MTFR1: variants seen among roughly 807,000 people sequenced by gnomAD.
MTFR1 encodes chondrocyte protein with a poly-proline region.
A neutral mutation model predicts 38.8 loss-of-function variants in MTFR1; 28 were observed. The observed-to-expected ratio is 0.72, with a 90% CI of 0.53 to 0.99. The LOEUF is 0.99. Ranked by LOEUF, MTFR1 falls within the 50% of genes least tolerant of loss-of-function variation. MTFR1 has a pLI of 0.00. For missense variants in MTFR1, 358 were observed against 395.5 expected (o/e 0.91, Z 0.81); for synonymous variants, 145 against 137.0 (o/e 1.06, Z -0.41).
At chr8:65,660,264 C>T (rs1461819513) in intron 1 of MTFR1, among the ~76,000 whole-genome samples, 2 of 138,490 alleles carry the variant, frequency 1.4e-5, no homozygotes, top group African/African-American at 5.4e-5. Flanking sequence ...GTACTCCAGC[C>T]TGGGCAACAG....
At chr8:65,778,174 C>T in the MTFR1 span, among the ~76,000 whole-genome samples, 2 of 152,190 alleles carry the variant, frequency 1.3e-5, no homozygotes, top group Admixed American at 6.5e-5. Flanking sequence ...AGCTCATCAA[C>T]AGAATATGGA....
downstream of MTFR1, among the ~76,000 whole-genome samples, chr8:65,775,035 A>C (rs1809218799): frequency 6.6e-6 from 1 of 152,200 alleles, no homozygotes; most frequent in African/African-American, 2.4e-5. Context: ...ATAAACTGTA[A>C]TTTTTAAGAA....
chr8:65,649,962 C>T (rs1563430238), intron 1 of MTFR1, among the ~76,000 whole-genome samples: 2 of 152,118 alleles, frequency 1.3e-5, no homozygotes, highest in Admixed American at 6.6e-5. Context: ...CCTCAGCCTC[C>T]CAAGTAGCTG....
chr8:65,752,502 A>G (rs539263311), intron 3 of MTFR1, among the ~76,000 whole-genome samples: 4 of 152,238 alleles, frequency 2.6e-5, no homozygotes, highest in Admixed American at 2.0e-4. Context: ...TGGCATTGAA[A>G]CTTGCAAAAT....
downstream of MTFR1, among the ~76,000 whole-genome samples, chr8:65,713,858 A>ATT (rs201732109): frequency 3.3e-5 from 5 of 150,078 alleles, no homozygotes; most frequent in Admixed American, 6.6e-5. Context: ...TAATTTTTGT[A>ATT]TTTTTTTTTA....
chr8:65,686,291 GC>G, intron 3 of MTFR1, among the ~76,000 whole-genome samples: 1 of 152,284 alleles, frequency 6.6e-6, no homozygotes, highest in Middle Eastern at 3.4e-3. Context: ...ACACTGTGGA[GC>G]CCAGCACAGT....
rs947683893 is a variant in MTFR1 at position 65,709,712 on chromosome 8, T to G, written c.*668T>G. 1 of 152,674 alleles carries G rather than the reference T, an allele frequency of 6.5e-6. No individual in the cohort carries two copies. Among genetic ancestry groups the G allele is most frequent in the African/African-American group, 2.4e-5 (1 of 41,454 alleles). 9.5% of individuals were successfully genotyped at this position (152,674 alleles called of 1,614,324 possible). ...AAGTTGAGAACCAGGAAAGCTGCTT[T>G]CACGTCATTGCCATCCAGTACTGAC... On this transcript the variant is annotated 3_prime_UTR_variant, in exon 8 of 8. Coordinates refer to ENST00000262146, the MANE Select transcript of MTFR1 (RefSeq NM_014637.4).
chr8:65,776,517 T>G, the MTFR1 span, among the ~76,000 whole-genome samples: 1 of 152,184 alleles, frequency 6.6e-6, no homozygotes, highest in African/African-American at 2.4e-5. Flanking sequence ...CTTTAAATAC[T>G]GAATCCTCCA....
intron 3 of MTFR1, chr8:65,725,450 G>GGT (rs1346970613): frequency 6.5e-6 from 1 of 154,250 alleles, no homozygotes; most frequent in Non-Finnish European, 1.5e-5. Flanking sequence ...GTGTTTTCAA[G>GGT]GTTAAACTCA....
chr8:65,707,837 TC>T lies in MTFR1; in HGVS notation c.765-5del. The stretch of plus-strand genomic sequence containing the variant: ...TGTCCCCTTGGTTTGTGTTCACTTC[TC>T]TAAGGTCAGAGCAAGATGTGAAGCC... On this transcript the variant is annotated splice_region_variant and splice_polypyrimidine_tract_variant and intron_variant, in intron 6 of 7. Coordinates refer to ENST00000262146, the MANE Select transcript of MTFR1 (RefSeq NM_014637.4). 2 of 1,613,250 alleles carry T rather than the reference TC, an allele frequency of 1.2e-6. No individual in the cohort carries two copies. The highest frequency in any genetic ancestry group is 1.7e-6 in the Non-Finnish European group (2 of 1,179,480).
intron 3 of MTFR1, among the ~76,000 whole-genome samples, chr8:65,765,859 G>T (rs1808757290): frequency 6.6e-6 from 1 of 152,200 alleles, no homozygotes; most frequent in African/African-American, 2.4e-5. Context: ...TAAGACATTA[G>T]TATCTCTTAT....
At chr8:65,654,114 T>C (rs1046794503) in intron 1 of MTFR1, among the ~76,000 whole-genome samples, 1 of 150,298 alleles carries the variant, frequency 6.7e-6, no homozygotes, top group Non-Finnish European at 1.5e-5. Context: ...ATGTATCCTA[T>C]TGGGGGGAAA....
At chr8:65,778,018 C>T in the MTFR1 span, among the ~76,000 whole-genome samples, 1 of 152,166 alleles carries the variant, frequency 6.6e-6, no homozygotes, top group Non-Finnish European at 1.5e-5. Flanking sequence ...TCCTCTCCTT[C>T]TAGGACCTTA....
intron 3 of MTFR1, chr8:65,735,037 A>T (rs1267912103): frequency 6.5e-6 from 4 of 620,122 alleles, no homozygotes; most frequent in Non-Finnish European, 1.2e-5. Context: ...GATGATAATC[A>T]CCTCACAACT....
chr8:65,649,319 G>A (rs773547217), intron 1 of MTFR1, among the ~76,000 whole-genome samples: 9 of 152,044 alleles, frequency 5.9e-5, no homozygotes, highest in Non-Finnish European at 1.0e-4. Context: ...CGAGTAGCTG[G>A]GATTACAGGA....
intron 3 of MTFR1, among the ~76,000 whole-genome samples, chr8:65,686,049 A>G (rs1055737274): frequency 6.6e-6 from 1 of 152,240 alleles, no homozygotes; most frequent in African/African-American, 2.4e-5. Flanking sequence ...AGTATGGTAT[A>G]GTGATCTTTG....
intron 3 of MTFR1, chr8:65,727,930 C>T (rs1693651435): frequency 6.6e-6 from 1 of 152,178 alleles, no homozygotes; most frequent in Admixed American, 6.5e-5. Context: ...TAACTTTACT[C>T]TCAATAATCA....
intron 1 of MTFR1, among the ~76,000 whole-genome samples, chr8:65,660,611 C>T (rs890072115): frequency 1.3e-5 from 2 of 152,182 alleles, no homozygotes; most frequent in Admixed American, 6.5e-5. Context: ...TGTCGGCCTC[C>T]AGCTTGCACA....
rs1314096512 is a variant in MTFR1 at position 65,710,276 on chromosome 8, G to A, written c.*1232G>A. ...CACTTTTAAGTTCTTGAAAATATAT[G>A]CATTCTCCTAAATATTAACAAAAAT... On this transcript the variant is annotated 3_prime_UTR_variant, in exon 8 of 8. Transcript: ENST00000262146. The A allele has an allele frequency of 6.6e-6, 1 of 152,172 alleles. No individual in the cohort carries two copies. The highest frequency in any genetic ancestry group is 2.4e-5 in the African/African-American group (1 of 41,436). 9.4% of individuals were successfully genotyped at this position (152,172 alleles called of 1,614,324 possible).
Sources: gnomAD v4.1 joint callset for allele counts (sites outside exome capture counted in the v4.1 genomes callset) on GRCh38, gnomAD v4.1.1 for gene constraint, MANE v1.5 for transcripts, NCBI Gene and HGNC (gene_info 2026-07-23, HGNC 2026-07-21) for gene names.